YAP1: variants seen among roughly 807,000 people sequenced by gnomAD.
YAP1 encodes Yes1 associated transcriptional regulator.
A neutral mutation model predicts 56.9 loss-of-function variants in YAP1; 5 were observed. The ratio of observed to expected loss-of-function variants is 0.09; its 90% CI spans 0.05 to 0.18. YAP1 has a LOEUF of 0.18. YAP1 is among the 10% of genes least tolerant of loss of function. The pLI is 1.00. For missense variants in YAP1, 539 were observed against 651.8 expected (o/e 0.83, Z 1.88); for synonymous variants, 265 against 248.1 (o/e 1.07, Z -0.64).
intron 1 of YAP1, 62 bp from the exon 2 acceptor site, chr11:102,114,082 A>G (rs528012747): frequency 1.0e-4 from 156 of 1,500,628 alleles, no homozygotes; most frequent in African/African-American, 4.9e-4. Flanking sequence ...TGACTGGGAA[A>G]TTTAAAGGGA....
chr11:102,224,291 A>G (rs1950088772), intron 7 of YAP1, among the ~76,000 whole-genome samples: 1 of 152,220 alleles, frequency 6.6e-6, no homozygotes. Context: ...TAGCTTAGGG[A>G]TGCTTCTTAG....
chr11:102,213,413 G>A (rs905501477), intron 6 of YAP1, among the ~76,000 whole-genome samples: 1 of 152,164 alleles, frequency 6.6e-6, no homozygotes, highest in South Asian at 2.1e-4. Context: ...CTGAACCTGG[G>A]AGGCAGAGGT....
intron 7 of YAP1, among the ~76,000 whole-genome samples, chr11:102,226,676 A>T (rs903407913): frequency 2.6e-5 from 4 of 152,352 alleles, no homozygotes; most frequent in African/African-American, 9.6e-5. Context: ...AAATCTGGGA[A>T]ACCTTACTTA....
chr11:102,184,471 A>G (rs1947841251), intron 3 of YAP1, among the ~76,000 whole-genome samples: 1 of 152,228 alleles, frequency 6.6e-6, no homozygotes, highest in Non-Finnish European at 1.5e-5. Context: ...AGTGTGTACT[A>G]CACATCCAGG....
intron 2 of YAP1, among the ~76,000 whole-genome samples, chr11:102,114,959 T>C (rs1201922551): frequency 6.6e-6 from 1 of 152,226 alleles, no homozygotes; most frequent in African/African-American, 2.4e-5. Context: ...ATAAAAATTT[T>C]TAGGTTTCAT....
Position 102,190,228 on chromosome 11 carries a change from T to C in YAP1, c.802+4097T>C, listed in dbSNP as rs899441401. On this transcript the variant is annotated intron_variant, in intron 4 of 8. Transcript: ENST00000282441. ...TTTTCCCCTTATCAACTCAAGTCTTTCCTGGTTATCCTGGGCTGTCAGTAT... is the reference window on the plus strand; with the variant it reads ...TTTTCCCCTTATCAACTCAAGTCTTCCCTGGTTATCCTGGGCTGTCAGTAT... Among the ~76,000 whole-genome samples, 5 of 152,346 alleles carry C rather than the reference T, an allele frequency of 3.3e-5. No individual in the cohort carries two copies. In the East Asian group the frequency reaches 9.6e-4, roughly 29 times the overall value.
At chr11:102,187,506 A>G (rs1270324166) in intron 4 of YAP1, among the ~76,000 whole-genome samples, 1 of 152,210 alleles carries the variant, frequency 6.6e-6, no homozygotes, top group Non-Finnish European at 1.5e-5. Flanking sequence ...GGACTGGAAC[A>G]ATAACAGCCA....
chr11:102,112,816 A>T (rs1211368081), intron 1 of YAP1: 1 of 964,052 alleles, frequency 1.0e-6, no homozygotes, highest in Non-Finnish European at 1.2e-6. Flanking sequence ...GTTGGCATGC[A>T]CCCTACAGAC....
chr11:102,168,420 T>C (rs1001291979), intron 3 of YAP1, among the ~76,000 whole-genome samples: 1 of 152,030 alleles, frequency 6.6e-6, no homozygotes, highest in Admixed American at 6.5e-5. Flanking sequence ...TTTTGAGAAA[T>C]GTACATTTGA....
At chr11:102,166,111 G>A (rs1946591110) in intron 3 of YAP1, among the ~76,000 whole-genome samples, 1 of 152,190 alleles carries the variant, frequency 6.6e-6, no homozygotes, top group South Asian at 2.1e-4. Context: ...GCAACACATC[G>A]ATTCTAGGAG....
chr11:102,178,151 C>T (rs760265181), intron 3 of YAP1, among the ~76,000 whole-genome samples: 21 of 152,022 alleles, frequency 1.4e-4, no homozygotes, highest in African/African-American at 4.4e-4. Flanking sequence ...GGAAAAGTGC[C>T]GTGTACATAG....
At chr11:102,172,676 G>A (rs61198026) in intron 3 of YAP1, among the ~76,000 whole-genome samples, 1,614 of 152,078 alleles carry the variant, frequency 0.011, 35 homozygotes, top group African/African-American at 0.037. Flanking sequence ...TAAGTTATGA[G>A]AACGGATATA....
chr11:102,216,740 A>G (rs1396250442), intron 6 of YAP1, among the ~76,000 whole-genome samples: 3 of 152,234 alleles, frequency 2.0e-5, no homozygotes, highest in African/African-American at 7.2e-5. Flanking sequence ...ATACTGGACT[A>G]AAAATACAAG....
intron 5 of YAP1, among the ~76,000 whole-genome samples, chr11:102,208,241 G>T (rs927270826): frequency 3.3e-5 from 5 of 152,096 alleles, no homozygotes; most frequent in African/African-American, 7.2e-5. Flanking sequence ...CTTCAAAATG[G>T]CGTCATTTCC....
intron 2 of YAP1, among the ~76,000 whole-genome samples, chr11:102,134,344 A>G (rs529388959): frequency 7.0e-4 from 107 of 152,146 alleles, no homozygotes; most frequent in African/African-American, 2.4e-3. Context: ...TATAAACAAC[A>G]TGGAATTATG....
chr11:102,138,507 T>A (rs1202508019), intron 2 of YAP1, among the ~76,000 whole-genome samples: 2 of 152,192 alleles, frequency 1.3e-5, no homozygotes, highest in Admixed American at 1.3e-4. Flanking sequence ...GGTGGAAGCT[T>A]TAAGGCCTCC....
At chr11:102,210,533 A>G (rs767306712) in intron 6 of YAP1, among the ~76,000 whole-genome samples, 2 of 152,138 alleles carry the variant, frequency 1.3e-5, no homozygotes, top group African/African-American at 2.4e-5. Flanking sequence ...TTCTTTATCT[A>G]TCTCATAAAT....
At chr11:102,150,399 C>T (rs1349386175) in intron 2 of YAP1, among the ~76,000 whole-genome samples, 1 of 152,146 alleles carries the variant, frequency 6.6e-6, no homozygotes, top group Non-Finnish European at 1.5e-5. Flanking sequence ...TATTGCCAGT[C>T]AGTGTCTTGG....
At chr11:102,130,027 T>G (rs1944282361) in intron 2 of YAP1, among the ~76,000 whole-genome samples, 1 of 152,068 alleles carries the variant, frequency 6.6e-6, no homozygotes, top group Non-Finnish European at 1.5e-5. Flanking sequence ...TCCACCTGCC[T>G]CAGCTTCCCA....
Sources: gnomAD v4.1 joint callset for allele counts (sites outside exome capture counted in the v4.1 genomes callset) on GRCh38, gnomAD v4.1.1 for gene constraint, MANE v1.5 for transcripts, NCBI Gene and HGNC (gene_info 2026-07-23, HGNC 2026-07-21) for gene names.